CCDC149: variants seen among roughly 807,000 people sequenced by gnomAD.
CCDC149 encodes the protein coiled-coil domain-containing protein 149.
CCDC149 carries 45 observed loss-of-function variants against 59.9 expected under a neutral mutation model. The ratio of observed to expected loss-of-function variants is 0.75; its 90% confidence interval spans 0.59 to 0.96. The LOEUF is 0.96. Among genes scored for constraint, CCDC149 ranks in the 40% least tolerant of loss-of-function variants. The pLI is 0.00. For synonymous variants in CCDC149, 245 were observed against 260.6 expected (o/e 0.94, Z 0.58); for missense variants, 584 against 664.7 (o/e 0.88, Z 1.33).
At chr4:24,882,588 C>T (rs1387386508) in intron 1 of CCDC149, among the ~76,000 whole-genome samples, 2 of 152,196 alleles carry the variant, frequency 1.3e-5, no homozygotes, top group African/African-American at 2.4e-5. Context: ...GTTCCTATCT[C>T]GTCAGTGACC....
At chr4:24,922,152 G>T (rs1471436389) in intron 1 of CCDC149, among the ~76,000 whole-genome samples, 2 of 152,092 alleles carry the variant, frequency 1.3e-5, no homozygotes, top group African/African-American at 4.8e-5. Flanking sequence ...CCCAACTCCA[G>T]TATTTCATCT....
rs760750730 is a variant in CCDC149, at chr4:24,819,958, G to C, written c.1093C>G (p.Leu365Val). 2 of 1,550,592 alleles carry C rather than the reference G, an allele frequency of 1.3e-6. No homozygotes were observed. Among genetic ancestry groups the C allele is most frequent in the Non-Finnish European group, 8.7e-7 (1 of 1,146,418 alleles). The stretch of plus-strand genomic sequence containing the variant: ...CTAGGAAGAGTGGGGTCGCTGAACA[G>C]TATGGTGTCCTTGCCCCCTGTTGCA... The change falls in exon 12 of 13, where the codon CTG becomes GTG. Residue 365 changes from leucine to valine, a missense_variant. Coordinates refer to ENST00000635206, the MANE Select transcript of CCDC149 (RefSeq NM_001330643.2).
intron 4 of CCDC149, among the ~76,000 whole-genome samples, chr4:24,841,039 CT>C (rs1476003949): frequency 6.6e-6 from 1 of 152,192 alleles, no homozygotes; most frequent in Non-Finnish European, 1.5e-5. Context: ...TATGCAAAAA[CT>C]CTATCACATC....
chr4:24,976,414 T>A (rs1724198042), intron 1 of CCDC149, among the ~76,000 whole-genome samples: 1 of 152,132 alleles, frequency 6.6e-6, no homozygotes, highest in African/African-American at 2.4e-5. Context: ...AGGACATTTA[T>A]CCAAAGTGTG....
At chr4:24,911,659 C>T (rs990427287) in intron 1 of CCDC149, among the ~76,000 whole-genome samples, 1 of 152,170 alleles carries the variant, frequency 6.6e-6, no homozygotes, top group Non-Finnish European at 1.5e-5. Flanking sequence ...GTTAGGAGAG[C>T]TTTCAACTAC....
At chr4:24,839,258 T>C (rs1289415170) in intron 4 of CCDC149, among the ~76,000 whole-genome samples, 1 of 151,894 alleles carries the variant, frequency 6.6e-6, no homozygotes, top group Non-Finnish European at 1.5e-5. Flanking sequence ...TGGCTCACTG[T>C]AAGCTCCGCC....
At chr4:24,868,877 T>C (rs1387447890) in intron 3 of CCDC149, among the ~76,000 whole-genome samples, 1 of 152,204 alleles carries the variant, frequency 6.6e-6, no homozygotes, top group Non-Finnish European at 1.5e-5. Flanking sequence ...CAGTTCGTTA[T>C]GTTACTTCCT....
intron 3 of CCDC149, among the ~76,000 whole-genome samples, chr4:24,856,640 G>T (rs527622372): frequency 6.6e-6 from 1 of 152,340 alleles, no homozygotes; most frequent in South Asian, 2.1e-4. Context: ...CGCAGCTCAA[G>T]GCCACAAGAG....
At chr4:24,895,188 G>A (rs1560242654) in intron 1 of CCDC149, 2 of 668,184 alleles carry the variant, frequency 3.0e-6, no homozygotes, top group Non-Finnish European at 5.3e-6. Context: ...ACCTCTGGGT[G>A]AGGCAGGAGG....
intron 1 of CCDC149, among the ~76,000 whole-genome samples, chr4:24,954,060 G>A (rs1385621490): frequency 1.3e-5 from 2 of 152,084 alleles, no homozygotes; most frequent in African/African-American, 4.8e-5. Context: ...GACACATTGT[G>A]GAGGTCCCAG....
chr4:24,935,917 T>C (rs73807072), intron 1 of CCDC149, among the ~76,000 whole-genome samples: 1,954 of 152,070 alleles, frequency 0.013, 36 homozygotes, highest in African/African-American at 0.044. Flanking sequence ...AGATCAGGCA[T>C]AGGAGAGACC....
At chr4:24,940,641 C>T (rs1202006793) in intron 1 of CCDC149, among the ~76,000 whole-genome samples, 1 of 152,186 alleles carries the variant, frequency 6.6e-6, no homozygotes, top group Admixed American at 6.5e-5. Context: ...GTGCTATATT[C>T]AGGAAACCCA....
At chr4:24,856,656 T>C (rs1398762932) in intron 3 of CCDC149, among the ~76,000 whole-genome samples, 1 of 152,258 alleles carries the variant, frequency 6.6e-6, no homozygotes, top group Non-Finnish European at 1.5e-5. Flanking sequence ...AAGAGCAGGC[T>C]GACCACAAGG....
At chr4:24,809,401 C>T (rs1714452935) in intron 12 of CCDC149, among the ~76,000 whole-genome samples, 1 of 152,200 alleles carries the variant, frequency 6.6e-6, no homozygotes, top group Non-Finnish European at 1.5e-5. Context: ...TAAACCCCTT[C>T]TCTATAGGAT....
At chr4:24,858,079 A>G in intron 3 of CCDC149, among the ~76,000 whole-genome samples, 1 of 152,196 alleles carries the variant, frequency 6.6e-6, no homozygotes, top group East Asian at 1.9e-4. Flanking sequence ...AGAGGAGAAA[A>G]GTTCACAGGA....
intron 1 of CCDC149, among the ~76,000 whole-genome samples, chr4:24,944,047 T>G (rs1170405582): frequency 6.6e-6 from 1 of 152,234 alleles, no homozygotes; most frequent in Non-Finnish European, 1.5e-5. Context: ...ATCCCATTAC[T>G]GGGTATATAC....
At chr4:24,860,093 T>A (rs1212911267) in intron 3 of CCDC149, among the ~76,000 whole-genome samples, 2 of 151,818 alleles carry the variant, frequency 1.3e-5, no homozygotes, top group African/African-American at 4.8e-5. Flanking sequence ...GAAAAGACAA[T>A]CCTAACATTC....
At chr4:24,952,571 G>A (rs189232695) in intron 1 of CCDC149, among the ~76,000 whole-genome samples, 36 of 113,172 alleles carry the variant, frequency 3.2e-4, no homozygotes, top group African/African-American at 1.2e-3. Flanking sequence ...ACTCCAGCCT[G>A]GGCGAAAGAT....
At chr4:24,955,238 G>T (rs1326009976) in intron 1 of CCDC149, among the ~76,000 whole-genome samples, 1 of 152,152 alleles carries the variant, frequency 6.6e-6, no homozygotes, top group Non-Finnish European at 1.5e-5. Flanking sequence ...CAGAGGGGAG[G>T]AACCTTCTCT....
Sources: allele counts gnomAD v4.1 joint callset (sites outside exome capture counted in the v4.1 genomes callset), GRCh38; gene constraint gnomAD v4.1.1; transcripts MANE v1.5; gene names NCBI Gene and HGNC (gene_info 2026-07-23, HGNC 2026-07-21).